DOCK5: variants seen among roughly 807,000 people sequenced by gnomAD.
DOCK5 encodes dedicator of cytokinesis 5.
A neutral mutation model predicts 251.8 loss-of-function variants in DOCK5; 142 were observed. That is an observed-to-expected ratio of 0.56 (90% CI 0.49 to 0.65). The LOEUF is 0.65. Among genes scored for constraint, DOCK5 ranks in the 30% least tolerant of loss-of-function variants. The pLI, the probability that DOCK5 is intolerant of heterozygous loss-of-function variation, is 0.00. For missense variants in DOCK5, 2,111 were observed against 2,312.3 expected (o/e 0.91, Z 1.79); for synonymous variants, 842 against 835.5 (o/e 1.01, Z -0.13).
chr8:25,199,874 G>C (rs1010492410), intron 1 of DOCK5, among the ~76,000 whole-genome samples: 1 of 152,210 alleles, frequency 6.6e-6, no homozygotes, highest in Non-Finnish European at 1.5e-5. Flanking sequence ...ACTTCCTTCA[G>C]AACAAAAGTA....
At position 25,184,916 on chromosome 8, in the gene DOCK5, G is replaced by A. The variant is rs1284011144; in HGVS notation, c.8G>A (p.Arg3His). The A allele has an allele frequency of 4.2e-6, 6 of 1,438,144 alleles. No homozygotes were observed. Among genetic ancestry groups the A allele is most frequent in the East Asian group, 5.6e-5 (2 of 35,838 alleles). The allele number at this position is 1,438,144 out of a possible 1,614,324, so 89.1% of individuals were successfully genotyped here. ...CGGGGCGAGGTCGCCGCCATGGCCCGCTGGATCCCGACCAAGAGGCAGAAG... is the reference window on the plus strand; with the variant it reads ...CGGGGCGAGGTCGCCGCCATGGCCCACTGGATCCCGACCAAGAGGCAGAAG... MA[R>H]WIPTKRQKYG... Residue 3 changes from arginine to histidine, a missense_variant, in exon 1 of 52, where the codon CGC (arginine) becomes CAC (histidine). This residue lies in a region of DOCK5 where 335 missense variants were observed against 324.9 expected (regional missense o/e 1.03). Coordinates refer to ENST00000276440, the MANE Select transcript of DOCK5 (RefSeq NM_024940.8).
At chr8:25,349,946 A>C (rs981296683) in intron 26 of DOCK5, among the ~76,000 whole-genome samples, 1 of 152,220 alleles carries the variant, frequency 6.6e-6, no homozygotes. Flanking sequence ...GCCATAGACA[A>C]ATCCTACCTG....
chr8:25,213,364 CAA>C (rs34974024), intron 1 of DOCK5, among the ~76,000 whole-genome samples: 95 of 74,578 alleles, frequency 1.3e-3, no homozygotes, highest in African/African-American at 2.9e-3. Flanking sequence ...ATGAATGTAG[CAA>C]AAAAAAAAAA....
rs1800629507 is a variant in DOCK5, at chr8:25,359,050, CAA to C, written c.2939_2940del (p.Gln980ArgfsTer46). The C allele has an allele frequency of 4.3e-6, 7 of 1,613,744 alleles. No individual in the cohort carries two copies. Among genetic ancestry groups the C allele is most frequent in the African/African-American group, 1.3e-5 (1 of 74,932 alleles). Reference sequence around the variant, plus strand: ...CTACATCAGCACTTTCAAAACCAGACAAGACATCATCGTAAGTTGCCTTTACT... The same window carrying C: ...CTACATCAGCACTTTCAAAACCAGACGACATCATCGTAAGTTGCCTTTACT... ...SHYISTFKTRQDIIDFLMETF... is the reference protein window; with the variant it reads ...SHYISTFKTRXDIIDFLMETF... On this transcript the variant is annotated frameshift_variant, in exon 28 of 52. Coordinates refer to ENST00000276440, the MANE Select transcript of DOCK5 (RefSeq NM_024940.8). LOFTEE classifies it high-confidence loss of function.
intron 3 of DOCK5, among the ~76,000 whole-genome samples, chr8:25,274,761 G>A (rs1803999355): frequency 6.6e-6 from 1 of 152,028 alleles, no homozygotes; most frequent in Admixed American, 6.6e-5. Flanking sequence ...TAGTTGACCC[G>A]TGAAAAATAT....
At chr8:25,375,652 C>T (rs1412866940) in intron 37 of DOCK5, 1 of 976,820 alleles carries the variant, frequency 1.0e-6, no homozygotes, top group Non-Finnish European at 1.2e-6. Context: ...GTTTTGTTCT[C>T]AGCTATTAAT....
At chr8:25,257,283 T>G (rs75788920) in intron 2 of DOCK5, among the ~76,000 whole-genome samples, 1 of 152,108 alleles carries the variant, frequency 6.6e-6, no homozygotes, top group Non-Finnish European at 1.5e-5. Context: ...CGGCCTTTCA[T>G]GTACTGCCTC....
In DOCK5 at chr8:25,403,770, T is replaced by C. The variant is rs748964726; in HGVS notation, c.5093+46T>C. ...CTGCAGGAAGGGTGGGGTAACGCCT[T>C]ACTAATGTTTGCCTTTAGCCACGCA... On this transcript the variant is annotated intron_variant, in intron 48 of 51. Coordinates refer to ENST00000276440, the MANE Select transcript of DOCK5 (RefSeq NM_024940.8). The C allele has an allele frequency of 4.4e-6, 7 of 1,591,750 alleles. No homozygotes were observed. In the Middle Eastern group the frequency reaches 6.7e-4, roughly 152 times the overall value.
intron 50 of DOCK5, 82 bp downstream of exon 50, chr8:25,409,022 A>C: frequency 6.4e-7 from 1 of 1,573,682 alleles, no homozygotes; most frequent in Non-Finnish European, 8.7e-7. Context: ...TAACTAAACC[A>C]GCCAGAATGT....
chr8:25,192,148 C>T (rs1801598277), intron 1 of DOCK5, among the ~76,000 whole-genome samples: 2 of 152,056 alleles, frequency 1.3e-5, no homozygotes, highest in Non-Finnish European at 1.5e-5. Flanking sequence ...ATATGTACCA[C>T]ATTTTCTTAA....
At chr8:25,189,454 G>A (rs1430545413) in intron 1 of DOCK5, among the ~76,000 whole-genome samples, 1 of 151,992 alleles carries the variant, frequency 6.6e-6, no homozygotes, top group Non-Finnish European at 1.5e-5. Flanking sequence ...TCAACTTCCT[G>A]GGCTCAAGTG....
intron 48 of DOCK5, 90 bp from the exon 49 acceptor site, chr8:25,407,893 A>C: frequency 7.5e-7 from 1 of 1,333,706 alleles, no homozygotes; most frequent in Admixed American, 2.8e-5. Context: ...AAAATAGCCT[A>C]AAGAGTCATA....
intron 1 of DOCK5, among the ~76,000 whole-genome samples, chr8:25,223,223 C>T (rs1423583721): frequency 1.3e-5 from 2 of 152,212 alleles, no homozygotes; most frequent in Non-Finnish European, 2.9e-5. Context: ...CCAGGCTGGT[C>T]TTGAACTCCT....
At position 25,296,549 on chromosome 8, in the gene DOCK5, T is replaced by C; in HGVS notation, c.507T>C (p.Asn169=). Reference sequence around the variant, plus strand: ...TAGATCTGGTGGTGCGAGATGACAATGGGAACATCCTAGACCCTGACGAAA... The same window carrying C: ...TAGATCTGGTGGTGCGAGATGACAACGGGAACATCCTAGACCCTGACGAAA... ...LGLDLVVRDD[N]GNILDPDETS... Residue 169 remains asparagine, a synonymous_variant, in exon 7 of 52, where the codon AAT becomes AAC. Transcript: ENST00000276440. 6.2e-7 allele frequency: 1 copy of C among 1,611,782 alleles called. No homozygotes were observed.
At chr8:25,309,734 T>C (rs1381734254) in intron 12 of DOCK5, among the ~76,000 whole-genome samples, 2 of 152,096 alleles carry the variant, frequency 1.3e-5, no homozygotes, top group East Asian at 3.9e-4. Flanking sequence ...GGCATGAGAA[T>C]TGCTTGAACT....
Position 25,308,805 on chromosome 8 carries a change from C to G in DOCK5, c.1072C>G (p.Arg358Gly). 1 of 1,613,884 alleles carries G rather than the reference C, an allele frequency of 6.2e-7. No homozygotes were observed. Among genetic ancestry groups the G allele is most frequent in the Non-Finnish European group, 8.5e-7 (1 of 1,179,778 alleles). ...FQQIAMETYI[R>G]QRQLIMSPLI... The stretch of plus-strand genomic sequence containing the variant: ...AAGAATTGCGATGGAAACCTACATC[C>G]GCCAGAGGCAGCTCATCATGTCGCC... Residue 358 changes from arginine (R) to glycine (G), a missense_variant, in exon 12 of 52, where the codon CGC becomes GGC. By Grantham distance (125) the Arg-to-Gly change is moderately radical (BLOSUM62 -2). Around this residue, in one of 3 missense-constraint regions of DOCK5, gnomAD observed 1,717 missense variants for 1,892.4 expected, o/e 0.91. Coordinates refer to ENST00000276440, the MANE Select transcript of DOCK5 (RefSeq NM_024940.8).
At chr8:25,373,112 G>T (rs1351904457) in intron 35 of DOCK5, among the ~76,000 whole-genome samples, 1 of 151,440 alleles carries the variant, frequency 6.6e-6, no homozygotes, top group East Asian at 2.0e-4. Flanking sequence ...CAATTTTCCT[G>T]CCTCAGCCTC....
chr8:25,238,694 C>A (rs1802862809), intron 1 of DOCK5, among the ~76,000 whole-genome samples: 1 of 152,168 alleles, frequency 6.6e-6, no homozygotes, highest in Non-Finnish European at 1.5e-5. Flanking sequence ...GATGGGAAAC[C>A]ACAGCCTCTG....
chr8:25,342,428 C>T lies in DOCK5; in HGVS notation c.2538C>T (p.Ser846=). The change falls in exon 25 of 52, where the codon AGC becomes AGT. Residue 846 remains serine, a synonymous_variant. Coordinates refer to ENST00000276440, the MANE Select transcript of DOCK5 (RefSeq NM_024940.8). ...TGCTCTTCTGCAAATTCATTCAAAG[C>T]ATTCCTGACAACCAGCTGGTTCGGC... is the stretch of plus-strand genomic sequence containing the variant. The part of the protein sequence containing the change: ...LSVLFCKFIQ[S]IPDNQLVRQK... 1 of 1,599,022 alleles carries T rather than the reference C, an allele frequency of 6.3e-7. No individual in the cohort carries two copies. The highest frequency in any genetic ancestry group is 8.5e-7 in the Non-Finnish European group (1 of 1,171,590).
Sources: allele counts gnomAD v4.1 joint callset (sites outside exome capture counted in the v4.1 genomes callset), GRCh38; gene constraint gnomAD v4.1.1; regional missense constraint gnomAD v4.1.1; transcripts MANE v1.5; gene names NCBI Gene and HGNC (gene_info 2026-07-23, HGNC 2026-07-21).